SLCO6A1: variants seen among roughly 807,000 people sequenced by gnomAD.
The protein encoded by SLCO6A1 is solute carrier organic anion transporter family member 6A1, also known as cancer/testis antigen 48.
Under a neutral mutation model 72.7 loss-of-function variants are expected in SLCO6A1, and 65 were observed. The observed-to-expected ratio is 0.89, with a 90% CI of 0.73 to 1.10. SLCO6A1 has a LOEUF of 1.10. SLCO6A1 is among the 50% of genes least tolerant of loss of function. The pLI is 0.00. For synonymous variants in SLCO6A1, 314 were observed against 298.2 expected, an observed-to-expected ratio of 1.05 and a Z score of -0.55; for missense variants, 874 against 872.6, an observed-to-expected ratio of 1.00 and a Z score of -0.02.
intron 6 of SLCO6A1, among the ~76,000 whole-genome samples, chr5:102,450,027 C>T (rs752661808): frequency 1.8e-4 from 28 of 152,122 alleles, no homozygotes; most frequent in Non-Finnish European, 3.1e-4. Flanking sequence ...GCTTTCATCA[C>T]TTTCATCATT....
intron 4 of SLCO6A1, among the ~76,000 whole-genome samples, chr5:102,473,832 T>C (rs1751755296): frequency 6.6e-6 from 1 of 151,970 alleles, no homozygotes; most frequent in African/African-American, 2.4e-5. Context: ...TGTGTTTCCA[T>C]ACACTGACAA....
intron 4 of SLCO6A1, among the ~76,000 whole-genome samples, chr5:102,467,245 C>T (rs1310728468): frequency 3.3e-5 from 5 of 151,816 alleles, no homozygotes; most frequent in African/African-American, 9.7e-5. Context: ...TTGTAAACCT[C>T]GTCTTTACCA....
At position 102,424,403 on chromosome 5, in the gene SLCO6A1, G is replaced by T. The variant is rs180730039; in HGVS notation, c.1277-4382C>A. Among the ~76,000 whole-genome samples the T allele has an allele frequency of 4.6e-5, 7 of 151,224 alleles. No individual in the cohort carries two copies. The East Asian group carries it at 1.2e-3, about 25-fold the overall frequency. On this transcript the variant is annotated intron_variant, in intron 7 of 13. Coordinates refer to ENST00000506729, the MANE Select transcript of SLCO6A1 (RefSeq NM_173488.5). Reference sequence around the variant, plus strand: ...GACTAATAAAAAAGAAAAGAGGGAAGAATCAAACAGACACAATAAAAAATA... The same window carrying T: ...GACTAATAAAAAAGAAAAGAGGGAATAATCAAACAGACACAATAAAAAATA...
At chr5:102,444,660 A>T (rs2112701242) in intron 6 of SLCO6A1, among the ~76,000 whole-genome samples, 1 of 152,292 alleles carries the variant, frequency 6.6e-6, no homozygotes, top group Middle Eastern at 3.4e-3. Context: ...CAGAAAAAAC[A>T]GTTTATTTAG....
intron 12 of SLCO6A1, among the ~76,000 whole-genome samples, chr5:102,375,128 A>G (rs1190866361): frequency 2.0e-5 from 3 of 152,210 alleles, no homozygotes; most frequent in Non-Finnish European, 2.9e-5. Context: ...AACAGGGCTG[A>G]AGTGACAAAG....
intron 7 of SLCO6A1, among the ~76,000 whole-genome samples, chr5:102,421,755 C>CA (rs1310626284): frequency 6.6e-6 from 1 of 152,158 alleles, no homozygotes; most frequent in Non-Finnish European, 1.5e-5. Flanking sequence ...TCTCCCAGCA[C>CA]AATGCTCGAG....
At chr5:102,464,108 T>C (rs1751193084) in intron 4 of SLCO6A1, among the ~76,000 whole-genome samples, 1 of 151,828 alleles carries the variant, frequency 6.6e-6, no homozygotes, top group African/African-American at 2.4e-5. Context: ...TCTCAGGTGG[T>C]GGGTGCACCA....
chr5:102,400,683 A>T (rs1002365723), intron 9 of SLCO6A1, among the ~76,000 whole-genome samples: 4 of 152,146 alleles, frequency 2.6e-5, no homozygotes, highest in African/African-American at 4.8e-5. Context: ...ATATTGAATT[A>T]GATTTTACTA....
chr5:102,431,600 T>C (rs1348182493), intron 7 of SLCO6A1, among the ~76,000 whole-genome samples: 2 of 152,160 alleles, frequency 1.3e-5, no homozygotes, highest in Admixed American at 6.6e-5. Context: ...AAGAGAGTGG[T>C]TGGTATGATT....
chr5:102,390,140 T>A (rs1258510384), intron 11 of SLCO6A1, among the ~76,000 whole-genome samples: 2 of 152,194 alleles, frequency 1.3e-5, no homozygotes, highest in African/African-American at 4.8e-5. Context: ...TTTATGTCTA[T>A]AATATTTAAT....
intron 10 of SLCO6A1, among the ~76,000 whole-genome samples, chr5:102,392,453 G>A (rs1746819021): frequency 6.6e-6 from 1 of 151,846 alleles, no homozygotes; most frequent in African/African-American, 2.4e-5. Flanking sequence ...TTTCTTTTAT[G>A]TCATATGATA....
At chr5:102,428,994 A>T (rs993589647) in intron 7 of SLCO6A1, among the ~76,000 whole-genome samples, 2 of 152,102 alleles carry the variant, frequency 1.3e-5, no homozygotes, top group African/African-American at 2.4e-5. Context: ...AGCCATTCTG[A>T]ATAGTGTGAG....
At chr5:102,407,731 A>C (rs1034639311) in intron 9 of SLCO6A1, among the ~76,000 whole-genome samples, 3 of 152,192 alleles carry the variant, frequency 2.0e-5, no homozygotes, top group Non-Finnish European at 4.4e-5. Flanking sequence ...TATGTGAAAG[A>C]ATGTGTGAGG....
intron 4 of SLCO6A1, among the ~76,000 whole-genome samples, chr5:102,468,360 T>A (rs1751414478): frequency 6.6e-6 from 1 of 152,096 alleles, no homozygotes; most frequent in South Asian, 2.1e-4. Context: ...TGTTCTAGGG[T>A]ATATTTTAAG....
At position 102,413,090 on chromosome 5, in the gene SLCO6A1, G is replaced by A. The variant is rs747649148; in HGVS notation, c.1526C>T (p.Ser509Leu). The A allele has an allele frequency of 1.9e-6, 3 of 1,575,058 alleles. No homozygotes were observed. The highest frequency in any genetic ancestry group is 2.6e-6 in the Non-Finnish European group (3 of 1,166,230). ...ACATATAGAAGAATAAATTGAAGAT[G>A]AGCATCTACATTTTTCATTGCAAGG... ...TAPCNEKCRCSSSIYSSICGR... is the reference protein window; with the variant it reads ...TAPCNEKCRCLSSIYSSICGR... The change falls in exon 9 of 14, where the codon TCA becomes TTA. Residue 509 changes from serine (S) to leucine (L), a missense_variant. Transcript: ENST00000506729.
intron 8 of SLCO6A1, among the ~76,000 whole-genome samples, chr5:102,414,479 A>G (rs1191592077): frequency 6.6e-6 from 1 of 152,212 alleles, no homozygotes; most frequent in Non-Finnish European, 1.5e-5. Flanking sequence ...TTAGGCCTAG[A>G]AAAACCTAAA....
chr5:102,444,002 A>G (rs1233479179), intron 6 of SLCO6A1, among the ~76,000 whole-genome samples: 1 of 152,132 alleles, frequency 6.6e-6, no homozygotes, highest in Non-Finnish European at 1.5e-5. Context: ...TCTACAACCA[A>G]GGTTTTTTCC....
chr5:102,427,858 ATATATATTTTT>A (rs1354728123), intron 7 of SLCO6A1, among the ~76,000 whole-genome samples: 94 of 116,152 alleles, frequency 8.1e-4, no homozygotes, highest in African/African-American at 4.4e-3. Context: ...ATATATATAT[ATATATATTTTT>A]TTTTTTTTTT....
chr5:102,492,455 C>A (rs774431049), intron 1 of SLCO6A1, among the ~76,000 whole-genome samples: 2 of 152,146 alleles, frequency 1.3e-5, no homozygotes, highest in Non-Finnish European at 2.9e-5. Context: ...CAGTTCCCAG[C>A]GTGAGCAACA....
Sources: gnomAD v4.1 joint callset for allele counts (sites outside exome capture counted in the v4.1 genomes callset) on GRCh38, gnomAD v4.1.1 for gene constraint, MANE v1.5 for transcripts, NCBI Gene and HGNC (gene_info 2026-07-23, HGNC 2026-07-21) for gene names.